The following ADGRB3 variants were observed in gnomAD, a reference collection of about 807,000 sequenced individuals.
ADGRB3 encodes the protein brain-specific angiogenesis inhibitor 3.
ADGRB3 carries 37 observed loss-of-function variants against 193.4 expected under a neutral mutation model. The observed-to-expected ratio is 0.19, with a 90% CI of 0.15 to 0.25. The LOEUF (loss-of-function observed/expected upper bound fraction) is 0.25, where lower values mean the gene tolerates loss of function less well. Among genes scored for constraint, ADGRB3 ranks in the 10% least tolerant of loss-of-function variants. ADGRB3 has a pLI of 1.00. For missense variants in ADGRB3, 1,637 were observed against 1,852.9 expected (o/e 0.88, Z 2.14); for synonymous variants, 690 against 644.2 (o/e 1.07, Z -1.08).
chr6:68,808,399 A>T (rs145482499), intron 3 of ADGRB3, among the ~76,000 whole-genome samples: 4 of 152,058 alleles, frequency 2.6e-5, no homozygotes, highest in Admixed American at 6.5e-5. Context: ...AAGAAGGGGG[A>T]AAAAAGCAAA....
At position 68,991,108 on chromosome 6, in the gene ADGRB3, G is replaced by C. The variant is rs552245884; in HGVS notation, c.1735-2660G>C. On this transcript the variant is annotated intron_variant, in intron 10 of 31. Coordinates refer to ENST00000370598, the MANE Select transcript of ADGRB3 (RefSeq NM_001704.3). ...CTCAGAAGCAGCACTACCTCTTTAAGTCAGGTAGTGTGTTTGTCTCATGCT... is the reference window on the plus strand; with the variant it reads ...CTCAGAAGCAGCACTACCTCTTTAACTCAGGTAGTGTGTTTGTCTCATGCT... 2.0e-5 allele frequency among the ~76,000 whole-genome samples: 3 copies of C among 152,208 alleles called. No homozygotes were observed. The South Asian group carries it at 6.2e-4, about 32-fold the overall frequency.
chr6:69,085,418 C>G (rs1582449590), intron 17 of ADGRB3, among the ~76,000 whole-genome samples: 1 of 152,010 alleles, frequency 6.6e-6, no homozygotes, highest in East Asian at 1.9e-4. Flanking sequence ...AAGAGCAACA[C>G]AGAGCTGGCT....
chr6:69,368,084 A>G (rs971660868), intron 29 of ADGRB3, among the ~76,000 whole-genome samples: 1 of 151,854 alleles, frequency 6.6e-6, no homozygotes, highest in Admixed American at 6.6e-5. Flanking sequence ...AGCATGGCAC[A>G]TGTATACATA....
intron 20 of ADGRB3, among the ~76,000 whole-genome samples, chr6:69,284,639 T>C (rs1322636898): frequency 6.6e-6 from 1 of 151,842 alleles, no homozygotes; most frequent in Admixed American, 6.6e-5. Context: ...GGACTTTGTT[T>C]CCCTTGACAT....
At chr6:68,707,013 A>T (rs1765336055) in intron 3 of ADGRB3, among the ~76,000 whole-genome samples, 1 of 150,766 alleles carries the variant, frequency 6.6e-6, no homozygotes, top group Non-Finnish European at 1.5e-5. Context: ...TGGGAGGCTG[A>T]GGCAGGACAA....
intron 3 of ADGRB3, among the ~76,000 whole-genome samples, chr6:68,806,113 T>C (rs1049167224): frequency 1.2e-4 from 19 of 152,314 alleles, no homozygotes; most frequent in Non-Finnish European, 1.5e-4. Context: ...TAAACAACTA[T>C]TGAATGTGTG....
At chr6:69,232,501 T>C (rs1766165439) in intron 17 of ADGRB3, 2 of 1,535,348 alleles carry the variant, frequency 1.3e-6, no homozygotes, top group Admixed American at 2.0e-5. Context: ...GTTATTCCTC[T>C]GAATGTTCTA....
chr6:68,780,231 T>C (rs144399506), intron 3 of ADGRB3, among the ~76,000 whole-genome samples: 85 of 152,178 alleles, frequency 5.6e-4, no homozygotes, highest in Non-Finnish European at 1.0e-3. Context: ...TTCTTCTTTG[T>C]CTAGTCTCAG....
intron 3 of ADGRB3, among the ~76,000 whole-genome samples, chr6:68,888,878 G>C (rs551904300): frequency 9.9e-5 from 15 of 152,208 alleles, no homozygotes; most frequent in African/African-American, 3.4e-4. Flanking sequence ...CATGTTCAAG[G>C]GTTATTTAGA....
intron 3 of ADGRB3, among the ~76,000 whole-genome samples, chr6:68,794,831 C>A (rs1767175826): frequency 6.6e-6 from 1 of 152,034 alleles, no homozygotes; most frequent in South Asian, 2.1e-4. Context: ...CTGTATATGA[C>A]TATTTACTGT....
chr6:68,946,072 G>A (rs768637619), intron 6 of ADGRB3, among the ~76,000 whole-genome samples: 2 of 152,048 alleles, frequency 1.3e-5, no homozygotes, highest in East Asian at 1.9e-4. Flanking sequence ...AACGTATCAT[G>A]TGCCATTTCT....
At chr6:68,752,419 G>A (rs1206683577) in intron 3 of ADGRB3, among the ~76,000 whole-genome samples, 1 of 151,804 alleles carries the variant, frequency 6.6e-6, no homozygotes, top group East Asian at 1.9e-4. Context: ...TGAGATTACA[G>A]GCGTGCACCA....
intron 13 of ADGRB3, among the ~76,000 whole-genome samples, chr6:69,034,943 T>A (rs1329000786): frequency 6.6e-6 from 1 of 151,992 alleles, no homozygotes; most frequent in African/African-American, 2.4e-5. Flanking sequence ...TGTTTAATAA[T>A]CCAAAGACCA....
At chr6:69,108,236 C>A (rs1773268304) in intron 17 of ADGRB3, among the ~76,000 whole-genome samples, 1 of 152,118 alleles carries the variant, frequency 6.6e-6, no homozygotes, top group Non-Finnish European at 1.5e-5. Context: ...ATTGCTATTT[C>A]TCTCCCCTTT....
chr6:69,079,909 A>G (rs1482233840), intron 17 of ADGRB3, among the ~76,000 whole-genome samples: 1 of 152,028 alleles, frequency 6.6e-6, no homozygotes, highest in African/African-American at 2.4e-5. Context: ...CTTGTTGTTG[A>G]AAACAAAAGC....
chr6:68,969,265 G>A (rs1175565476), intron 8 of ADGRB3, among the ~76,000 whole-genome samples: 1 of 152,112 alleles, frequency 6.6e-6, no homozygotes, highest in South Asian at 2.1e-4. Flanking sequence ...AGTTATTGGA[G>A]AATACATCAT....
At chr6:69,282,767 T>C (rs1767463652) in intron 20 of ADGRB3, among the ~76,000 whole-genome samples, 1 of 152,166 alleles carries the variant, frequency 6.6e-6, no homozygotes, top group Admixed American at 6.5e-5. Context: ...AAATCAATAC[T>C]CGTAAATCAC....
At chr6:68,667,921 A>T (rs1294209339) in intron 3 of ADGRB3, among the ~76,000 whole-genome samples, 1 of 151,888 alleles carries the variant, frequency 6.6e-6, no homozygotes, top group Non-Finnish European at 1.5e-5. Flanking sequence ...GAACAATTCC[A>T]GCCACACCAG....
intron 13 of ADGRB3, among the ~76,000 whole-genome samples, chr6:69,019,145 A>G (rs1053915584): frequency 6.6e-6 from 1 of 152,020 alleles, no homozygotes; most frequent in South Asian, 2.1e-4. Context: ...ATTAACAAGC[A>G]CAAAGAAATA....
Sources: allele counts gnomAD v4.1 joint callset (sites outside exome capture counted in the v4.1 genomes callset), GRCh38; gene constraint gnomAD v4.1.1; transcripts MANE v1.5; gene names NCBI Gene and HGNC (gene_info 2026-07-23, HGNC 2026-07-21).